IGF2BP2: variants seen among roughly 807,000 people sequenced by gnomAD.
IGF2BP2 encodes insulin like growth factor 2 mRNA binding protein 2.
IGF2BP2 carries 17 observed loss-of-function variants against 75.8 expected under a neutral mutation model. That is an observed-to-expected ratio of 0.22 (90% confidence interval 0.15 to 0.34). The LOEUF (loss-of-function observed/expected upper bound fraction) is 0.34, where lower values mean the gene tolerates loss of function less well. IGF2BP2 is among the 10% of genes least tolerant of loss of function. IGF2BP2 has a pLI of 1.00. For synonymous variants in IGF2BP2, 288 were observed against 295.6 expected (o/e 0.97, Z 0.26); for missense variants, 516 against 772.4 (o/e 0.67, Z 3.93).
chr3:185,817,359 T>C (rs1457196405), intron 2 of IGF2BP2, among the ~76,000 whole-genome samples: 1 of 152,210 alleles, frequency 6.6e-6, no homozygotes, highest in African/African-American at 2.4e-5. Context: ...CCATTTTCAC[T>C]GTTGTACTTA....
In IGF2BP2 at chr3:185,645,453, T is replaced by G. The variant is rs1713348172; in HGVS notation, c.*78A>C. The G allele has an allele frequency of 5.0e-6, 5 of 1,005,636 alleles. No homozygotes were observed. In the Admixed American group the frequency reaches 5.3e-5, roughly 11 times the overall value. 62.3% of individuals were successfully genotyped at this position (1,005,636 alleles called of 1,614,324 possible). On this transcript the variant is annotated 3_prime_UTR_variant, in exon 16 of 16. Transcript: ENST00000382199. The surrounding 1 kb of genome is among the most constrained non-coding windows in gnomAD (Gnocchi z 4.9). ...GTCTTTGGTTTGCTCCCGATCTGGC[T>G]GGCTGCGTTTGGTCTCATTCTGTCA...
intron 2 of IGF2BP2, chr3:185,725,200 A>G (rs1052167829): frequency 6.6e-6 from 1 of 152,202 alleles, no homozygotes; most frequent in Non-Finnish European, 1.5e-5. Context: ...AGAATCTGTG[A>G]GTCTGATAAT....
rs1463679105 is a variant in IGF2BP2 at position 185,645,763 on chromosome 3, C to T, written c.1708-140G>A. 5 of 645,328 alleles carry T rather than the reference C, an allele frequency of 7.7e-6. No homozygotes were observed. Among genetic ancestry groups the T allele is most frequent in the Admixed American group, 5.3e-5 (2 of 38,052 alleles). The allele number at this position is 645,328 out of a possible 1,614,324, so 40.0% of individuals were successfully genotyped here. A position where few individuals can be genotyped will look rare whatever the true frequency, so the allele number is the denominator to read the frequency against. The stretch of plus-strand genomic sequence containing the variant: ...CAAGCATCATCTACCCACCCCCGCA[C>T]GTTACTCCAGGCCCTTTTCTGCCTG... On this transcript the variant is annotated intron_variant, in intron 15 of 15. Coordinates refer to ENST00000382199, the MANE Select transcript of IGF2BP2 (RefSeq NM_006548.6). This position sits in a 1 kb window ranked among gnomAD's most constrained non-coding sequence, Gnocchi z 4.9.
At chr3:185,648,725 C>T (rs902739038) in intron 14 of IGF2BP2, among the ~76,000 whole-genome samples, 2 of 152,184 alleles carry the variant, frequency 1.3e-5, no homozygotes, top group Non-Finnish European at 2.9e-5. Context: ...TCAAAGTTAA[C>T]GCTCTGGCAC....
Position 185,823,140 on chromosome 3 carries a change from A to G in IGF2BP2, c.239+13T>C, listed in dbSNP as rs781159933. ...GCCAATCGCAAAAAAAAAACTAAGC[A>G]AAGTATATTTACCTTAGCTTTTTAG... On this transcript the variant is annotated intron_variant, in intron 2 of 15. Transcript: ENST00000382199. The G allele has an allele frequency of 1.9e-6, 3 of 1,571,972 alleles. No individual in the cohort carries two copies. The highest frequency in any genetic ancestry group is 2.4e-5 in the South Asian group (2 of 84,584).
intron 4 of IGF2BP2, among the ~76,000 whole-genome samples, chr3:185,695,012 G>T (rs149847959): frequency 6.6e-6 from 1 of 152,076 alleles, no homozygotes; most frequent in Admixed American, 6.6e-5. Context: ...GCTTGAACCC[G>T]GGAGGTGGAG....
chr3:185,715,081 GA>G (rs1298481040), intron 2 of IGF2BP2, among the ~76,000 whole-genome samples: 3 of 152,178 alleles, frequency 2.0e-5, no homozygotes, highest in Non-Finnish European at 4.4e-5. Context: ...GACAGGAGGG[GA>G]AACCTGGCAA....
intron 9 of IGF2BP2, among the ~76,000 whole-genome samples, chr3:185,673,725 G>A (rs1718875523): frequency 6.6e-6 from 1 of 151,962 alleles, no homozygotes; most frequent in African/African-American, 2.4e-5. Flanking sequence ...TAGAACTTTT[G>A]GAATAGCAGT....
rs1253682840 is a variant in IGF2BP2, at chr3:185,647,638, AC to A, written c.1594-501del. Among the ~76,000 whole-genome samples the A allele has an allele frequency of 6.6e-6, 1 of 151,294 alleles. No homozygotes were observed. ...GCCAAGACTTGCTCATGCTGTTCCT[AC>A]CCTTGGATTGTTGTCCTCTCTCCCG... On this transcript the variant is annotated intron_variant, in intron 14 of 15. Coordinates refer to ENST00000382199, the MANE Select transcript of IGF2BP2 (RefSeq NM_006548.6). The surrounding 1 kb of genome is among the most constrained non-coding windows in gnomAD (Gnocchi z 4.9).
chr3:185,761,218 G>A (rs182483864), intron 2 of IGF2BP2, among the ~76,000 whole-genome samples: 74 of 152,272 alleles, frequency 4.9e-4, no homozygotes, highest in East Asian at 3.5e-3. Context: ...GACGACTTGG[G>A]TGAGGATGTG....
At chr3:185,699,269 G>A (rs542671595) in intron 2 of IGF2BP2, among the ~76,000 whole-genome samples, 1 of 152,188 alleles carries the variant, frequency 6.6e-6, no homozygotes, top group Non-Finnish European at 1.5e-5. Context: ...TAGAATTTAA[G>A]TCATCATACA....
intron 2 of IGF2BP2, among the ~76,000 whole-genome samples, chr3:185,741,079 T>A (rs1729491617): frequency 6.6e-6 from 1 of 152,134 alleles, no homozygotes; most frequent in Non-Finnish European, 1.5e-5. Flanking sequence ...TTTCACTGTG[T>A]TAGCCAGGAT....
intron 2 of IGF2BP2, among the ~76,000 whole-genome samples, chr3:185,750,734 A>G (rs183450318): frequency 6.6e-6 from 1 of 152,290 alleles, no homozygotes; most frequent in Non-Finnish European, 1.5e-5. Flanking sequence ...CTCTGCTCCA[A>G]TCCAGACCCC....
intron 12 of IGF2BP2, among the ~76,000 whole-genome samples, chr3:185,656,863 T>C (rs1715519292): frequency 6.6e-6 from 1 of 152,236 alleles, no homozygotes; most frequent in Non-Finnish European, 1.5e-5. Flanking sequence ...ATTTTATCAT[T>C]GCTTTTCAAA....
chr3:185,792,492 G>A (rs575868376), intron 2 of IGF2BP2, among the ~76,000 whole-genome samples: 4 of 151,284 alleles, frequency 2.6e-5, no homozygotes, highest in East Asian at 1.9e-4. Context: ...TTTTACAGGC[G>A]CAGTGACTCA....
chr3:185,692,740 G>T lies in IGF2BP2; in HGVS notation c.363C>A (p.Ala121=). The change falls in exon 5 of 16, where the codon GCC becomes GCA. Residue 121 remains alanine (A), a synonymous_variant. Transcript: ENST00000382199. The part of the protein sequence containing the change: ...VEQVNTDTET[A]VVNVTYATRE... Reference sequence around the variant, plus strand: ...TTGTTGCATATGTGACGTTGACAACGGCGGTTTCTGTGTCTGTGTTGACTA... The same window carrying T: ...TTGTTGCATATGTGACGTTGACAACTGCGGTTTCTGTGTCTGTGTTGACTA... The T allele has an allele frequency of 6.2e-7, 1 of 1,613,904 alleles. No homozygotes were observed. Among genetic ancestry groups the T allele is most frequent in the South Asian group, 1.1e-5 (1 of 91,018 alleles).
At chr3:185,814,114 A>G (rs1361873079) in intron 2 of IGF2BP2, 1 of 152,218 alleles carries the variant, frequency 6.6e-6, no homozygotes, top group African/African-American at 2.4e-5. Context: ...GAAGTATAGA[A>G]AGAAAATGCA....
At chr3:185,797,931 G>T (rs983398258) in intron 2 of IGF2BP2, among the ~76,000 whole-genome samples, 1 of 150,366 alleles carries the variant, frequency 6.7e-6, no homozygotes, top group East Asian at 1.9e-4. Flanking sequence ...GCCGGGCGTG[G>T]TGGCTCATGC....
At chr3:185,751,779 A>G (rs775119679) in intron 2 of IGF2BP2, among the ~76,000 whole-genome samples, 16 of 152,086 alleles carry the variant, frequency 1.1e-4, no homozygotes, top group Non-Finnish European at 2.1e-4. Context: ...CCTGGCCAAC[A>G]TGGTAAAACC....
Sources: allele counts gnomAD v4.1 joint callset (sites outside exome capture counted in the v4.1 genomes callset), GRCh38; gene constraint gnomAD v4.1.1; non-coding constraint Gnocchi (gnomAD v3.1); transcripts MANE v1.5; gene names NCBI Gene and HGNC (gene_info 2026-07-23, HGNC 2026-07-21).